The following PRDX4 variants were observed in gnomAD, a reference collection of about 807,000 sequenced individuals.
PRDX4 encodes the protein peroxiredoxin-4.
Under a neutral mutation model 20.5 loss-of-function variants are expected in PRDX4, and 12 were observed. The ratio of observed to expected loss-of-function variants is 0.58; its 90% CI spans 0.37 to 0.95. The LOEUF is 0.95. Ranked by LOEUF, PRDX4 falls within the 40% of genes least tolerant of loss-of-function variation. PRDX4 has a pLI of 0.01. For synonymous variants in PRDX4, 99 were observed against 87.5 expected, an observed-to-expected ratio of 1.13 and a Z score of -0.73; for missense variants, 180 against 207.3, an observed-to-expected ratio of 0.87 and a Z score of 0.81.
chrX:23,685,332 G>A (rs936570531), intron 6 of PRDX4, among the ~76,000 whole-genome samples: 1 of 111,769 alleles, frequency 8.9e-6, no homozygotes, highest in Non-Finnish European at 1.9e-5. Flanking sequence ...TGTCTGAAAT[G>A]CTTTTTAAGG....
chrX:23,682,344 A>G, intron 4 of PRDX4, 52 bp from the exon 5 acceptor site: 3 of 1,009,729 alleles, frequency 3.0e-6, no homozygotes, highest in Non-Finnish European at 3.9e-6. Context: ...GGAATTCACA[A>G]TACATAAATG....
intron 6 of PRDX4, among the ~76,000 whole-genome samples, chrX:23,684,601 T>C (rs1280694863): frequency 9.1e-6 from 1 of 110,400 alleles, no homozygotes; most frequent in African/African-American, 3.3e-5. Flanking sequence ...CCAGGGTTCA[T>C]GCAATTCTCA....
rs55792240 is a variant in PRDX4, at chrX:23,676,136, C to CAAAAAAAAAA, written c.476+1052_476+1061dup. On this transcript the variant is annotated intron_variant, in intron 3 of 6. Coordinates refer to ENST00000379341, the MANE Select transcript of PRDX4 (RefSeq NM_006406.2). ...GGGCAATGAGAGTGAAACTCCATCT[C>CAAAAAAAAAA]AAAAAAAAAAAAAAAAAAAAAAAAA... Among the ~76,000 whole-genome samples the CAAAAAAAAAA allele has an allele frequency of 2.0e-3, 109 of 54,959 alleles. 1 individual carries two copies. The highest frequency in any genetic ancestry group is 3.0e-3 in the Non-Finnish European group (91 of 30,535). 47.7% of individuals were successfully genotyped at this position (54,959 alleles called of 115,157 possible). A position where few individuals can be genotyped will look rare whatever the true frequency, so the allele number is the denominator to read the frequency against.
intron 4 of PRDX4, among the ~76,000 whole-genome samples, chrX:23,682,120 T>G (rs1230529506): frequency 3.6e-5 from 4 of 112,408 alleles, no homozygotes. Context: ...TCAGATTATC[T>G]TCAACAACTG....
intron 2 of PRDX4, 49 bp downstream of exon 2, chrX:23,671,695 A>G: frequency 2.1e-6 from 2 of 942,616 alleles, no homozygotes; most frequent in Non-Finnish European, 2.9e-6. Flanking sequence ...TTTATCAATT[A>G]TTTTTCAGGA....
intron 5 of PRDX4, among the ~76,000 whole-genome samples, chrX:23,682,853 A>AAAAAAAATATATAT (rs1555933130): frequency 4.0e-4 from 6 of 14,872 alleles, no homozygotes; most frequent in Non-Finnish European, 7.5e-4. Context: ...AAAAAAAAAA[A>AAAAAAAATATATAT]ATATATATAT....
At chrX:23,671,434 G>C in intron 1 of PRDX4, 95 bp from the exon 2 acceptor site, 1 of 670,265 alleles carries the variant, frequency 1.5e-6, no homozygotes, top group Non-Finnish European at 2.3e-6. Context: ...AGATCTAAAG[G>C]TAGCCCTGAT....
At chrX:23,679,337 C>T in intron 4 of PRDX4, 50 bp downstream of exon 4, 1 of 1,103,590 alleles carries the variant, frequency 9.1e-7, no homozygotes, top group Non-Finnish European at 1.2e-6. Flanking sequence ...TGTTTATAAT[C>T]CTCCTTGAAA....
intron 3 of PRDX4, chrX:23,675,384 GA>G: frequency 2.5e-6 from 1 of 400,398 alleles, no homozygotes; most frequent in East Asian, 4.3e-5. Context: ...TTTCTATAGC[GA>G]AAACCACTGA....
chrX:23,673,604 A>G (rs1927886813), intron 2 of PRDX4, among the ~76,000 whole-genome samples: 1 of 110,332 alleles, frequency 9.1e-6, no homozygotes, highest in African/African-American at 3.3e-5. Flanking sequence ...AATACAAACA[A>G]AATTACCCGG....
At position 23,681,521 on chromosome X, in the gene PRDX4, A is replaced by G. The variant is rs369612648; in HGVS notation, c.600-875A>G. 5.1e-3 allele frequency among the ~76,000 whole-genome samples: 571 copies of G among 112,062 alleles called. 1 individual carries two copies. Among genetic ancestry groups the G allele is most frequent in the South Asian group, 0.011 (30 of 2,705 alleles). ...GCATAATGTTCTCAAGGTTCATTGT[A>G]TTGTATCATGTATTGCTACCAGTAG... On this transcript the variant is annotated intron_variant, in intron 4 of 6. Transcript: ENST00000379341.
intron 6 of PRDX4, 37 bp from the exon 7 acceptor site, chrX:23,686,248 A>C (rs1425996675): frequency 5.3e-6 from 6 of 1,123,080 alleles, no homozygotes; most frequent in Non-Finnish European, 7.2e-6. Flanking sequence ...TTTGGCTTTA[A>C]AATGAATAAT....
chrX:23,675,026 C>T lies in PRDX4; in HGVS notation c.396C>T (p.Gly132=), dbSNP rs1927918499. The T allele has an allele frequency of 1.7e-6, 2 of 1,206,858 alleles. No individual in the cohort carries two copies. Among genetic ancestry groups the T allele is most frequent in the Non-Finnish European group, 2.2e-6 (2 of 894,009 alleles). Reference sequence around the variant, plus strand: ...GTCCAACTGAAATTATCGCTTTTGGCGACAGACTTGAAGAATTCAGATCTA... The same window carrying T: ...GTCCAACTGAAATTATCGCTTTTGGTGACAGACTTGAAGAATTCAGATCTA... ...FVCPTEIIAF[G]DRLEEFRSIN... The change falls in exon 3 of 7, where the codon GGC becomes GGT. Residue 132 remains glycine (G), a synonymous_variant. Coordinates refer to ENST00000379341, the MANE Select transcript of PRDX4 (RefSeq NM_006406.2).
chrX:23,678,710 G>C (rs776911043), intron 3 of PRDX4, among the ~76,000 whole-genome samples: 2 of 111,449 alleles, frequency 1.8e-5, no homozygotes, highest in African/African-American at 6.5e-5. Flanking sequence ...TGAAGCAGGA[G>C]GATTGCTTGA....
At chrX:23,667,833 G>A (rs1402279084) in intron 1 of PRDX4, 22 bp downstream of exon 1, 17 of 1,204,774 alleles carry the variant, frequency 1.4e-5, no homozygotes, top group Non-Finnish European at 1.8e-5. Context: ...CCCGCCAAAG[G>A]GTGGGAGGGG....
chrX:23,681,833 C>A (rs1322348945), intron 4 of PRDX4, among the ~76,000 whole-genome samples: 6 of 111,910 alleles, frequency 5.4e-5, no homozygotes, highest in Non-Finnish European at 1.1e-4. Context: ...TCAAGTCCAG[C>A]AGTTTGAGAC....
Position 23,686,314 on chromosome X carries a change from G to C in PRDX4, c.795G>C (p.Lys265Asn). 8.5e-7 allele frequency: 1 copy of C among 1,175,285 alleles called. No individual in the cohort carries two copies. The highest frequency in any genetic ancestry group is 1.8e-5 in the African/African-American group (1 of 56,616). Residue 265 changes from lysine (K) to asparagine (N), a missense_variant, in exon 7 of 7, where the codon AAG (lysine) becomes AAC (asparagine). Lys to Asn is a moderately conservative substitution (Grantham distance 94). Coordinates refer to ENST00000379341, the MANE Select transcript of PRDX4 (RefSeq NM_006406.2). ...TIIPDPAGKLKYFDKLN is the reference protein window; with the variant it reads ...TIIPDPAGKLNYFDKLN The stretch of plus-strand genomic sequence containing the variant: ...TCCCAGATCCAGCTGGAAAGCTGAA[G>C]TATTTCGATAAACTGAATTGAGAAA...
intron 3 of PRDX4, 75 bp from the exon 4 acceptor site, chrX:23,679,090 T>G: frequency 9.5e-7 from 1 of 1,049,284 alleles, no homozygotes; most frequent in Non-Finnish European, 1.3e-6. Context: ...TGCGTGTGCA[T>G]GTATAGAGAA....
At chrX:23,669,547 G>A (rs1927802754) in intron 1 of PRDX4, among the ~76,000 whole-genome samples, 1 of 111,471 alleles carries the variant, frequency 9.0e-6, no homozygotes, top group African/African-American at 3.3e-5. Context: ...ATCAAAAACT[G>A]TTCATAATTA....
Sources: allele counts gnomAD v4.1 joint callset (sites outside exome capture counted in the v4.1 genomes callset), GRCh38; gene constraint gnomAD v4.1.1; transcripts MANE v1.5; gene names NCBI Gene and HGNC (gene_info 2026-07-23, HGNC 2026-07-21).